The following PRX variants were observed in gnomAD, a reference collection of about 807,000 sequenced individuals.
PRX encodes the protein periaxin.
Under a neutral mutation model 29.6 loss-of-function variants are expected in PRX, and 24 were observed. The observed-to-expected ratio is 0.81, with a 90% CI of 0.59 to 1.14. PRX has a LOEUF of 1.14. PRX is among the 50% of genes most tolerant of loss of function. The probability of loss-of-function intolerance (pLI) is 0.00; values close to 1 mark genes in which losing one functional copy is unlikely to be tolerated. For synonymous variants in PRX, 772 were observed against 831.7 expected (o/e 0.93, Z 1.24); for missense variants, 1,838 against 1,926.4 (o/e 0.95, Z 0.86).
At position 40,398,156 on chromosome 19, in the gene PRX, T is replaced by C; in HGVS notation, c.382-186A>G. 7.0e-7 allele frequency: 1 copy of C among 1,432,644 alleles called. No individual in the cohort carries two copies. The highest frequency in any genetic ancestry group is 9.1e-7 in the Non-Finnish European group (1 of 1,098,208). 88.7% of individuals were successfully genotyped at this position (1,432,644 alleles called of 1,614,324 possible). ...GTGCCCAGGAAAGCAGGCAGCCATC[T>C]AGGATCTCCAAATGAGTCAACAGGA... On this transcript the variant is annotated intron_variant, in intron 6 of 6. Transcript: ENST00000324001. The surrounding 1 kb of genome is among the most constrained non-coding windows in gnomAD (Gnocchi z 6.3).
chr19:40,402,774 C>CAAAA (rs568158954), intron 5 of PRX, among the ~76,000 whole-genome samples: 2 of 110,574 alleles, frequency 1.8e-5, no homozygotes, highest in Non-Finnish European at 1.8e-5. Flanking sequence ...GACTCCGTCT[C>CAAAA]AAAAAAAAAA....
chr19:40,406,068 G>A (rs973951338), intron 4 of PRX, among the ~76,000 whole-genome samples: 4 of 151,526 alleles, frequency 2.6e-5, no homozygotes, highest in African/African-American at 7.3e-5. Context: ...CCAACATGGC[G>A]AAACTCCATC....
chr19:40,409,578 T>C (rs2079549654), intron 1 of PRX, among the ~76,000 whole-genome samples: 1 of 151,998 alleles, frequency 6.6e-6, no homozygotes, highest in Admixed American at 6.6e-5. Context: ...GTTCAAGTGA[T>C]TCTCCTGCCT....
At chr19:40,414,246 C>T (rs1378811192), upstream of PRX, among the ~76,000 whole-genome samples, 1 of 152,178 alleles carries the variant, frequency 6.6e-6, no homozygotes, top group Non-Finnish European at 1.5e-5. Flanking sequence ...ACTGAGCCCC[C>T]TCAAATAGCT....
At chr19:40,399,490 G>A (rs773942156) in intron 5 of PRX, among the ~76,000 whole-genome samples, 2 of 152,194 alleles carry the variant, frequency 1.3e-5, no homozygotes, top group African/African-American at 4.8e-5. Context: ...TTTCCAACAC[G>A]CACATCTGAA....
chr19:40,398,920 A>T lies in PRX; in HGVS notation c.185-104T>A. ...GCCCTCGCGGTGAGGACCCGCCCCAAATTTTAGTTTCTCCAATCCCCAGCG... is the reference window on the plus strand; with the variant it reads ...GCCCTCGCGGTGAGGACCCGCCCCATATTTTAGTTTCTCCAATCCCCAGCG... On this transcript the variant is annotated intron_variant, in intron 5 of 6. Coordinates refer to ENST00000324001, the MANE Select transcript of PRX (RefSeq NM_181882.3). This position sits in a 1 kb window ranked among gnomAD's most constrained non-coding sequence, Gnocchi z 6.3. The T allele has an allele frequency of 6.4e-7, 1 of 1,567,902 alleles. No homozygotes were observed. The highest frequency in any genetic ancestry group is 8.6e-7 in the Non-Finnish European group (1 of 1,156,952).
intron 5 of PRX, among the ~76,000 whole-genome samples, chr19:40,399,071 T>C (rs2079470064): frequency 6.6e-6 from 1 of 152,094 alleles, no homozygotes. Context: ...TCCTTACGTT[T>C]CAGATACTGA....
Position 40,398,494 on chromosome 19 carries a change from A to C in PRX, c.381+126T>G. 1 of 1,554,448 alleles carries C rather than the reference A, an allele frequency of 6.4e-7. No homozygotes were observed. Among genetic ancestry groups the C allele is most frequent in the Middle Eastern group, 1.9e-4 (1 of 5,268 alleles). Reference sequence around the variant, plus strand: ...GCAGAGAGGAAGGGGCAGAGGGTGGAATTAGCTTGGGTTAGTGACAAGACA... The same window carrying C: ...GCAGAGAGGAAGGGGCAGAGGGTGGCATTAGCTTGGGTTAGTGACAAGACA... On this transcript the variant is annotated intron_variant, in intron 6 of 6. Coordinates refer to ENST00000324001, the MANE Select transcript of PRX (RefSeq NM_181882.3). This position sits in a 1 kb window ranked among gnomAD's most constrained non-coding sequence, Gnocchi z 6.3.
chr19:40,397,672 G>A lies in PRX; in HGVS notation c.680C>T (p.Ala227Val), dbSNP rs532808153. The change falls in exon 7 of 7, where the codon GCT becomes GTT. Residue 227 changes from alanine (A) to valine (V), a missense_variant. Coordinates refer to ENST00000324001, the MANE Select transcript of PRX (RefSeq NM_181882.3). Reference protein sequence around the residue: ...AKVEAEVAAGARFTAPQVELV... With the variant: ...AKVEAEVAAGVRFTAPQVELV... ...CTCCACCTGAGGGGCTGTGAAACGAGCTCCTGCAGCCACCTCAGCCTCCAC... is the reference window on the plus strand; with the variant it reads ...CTCCACCTGAGGGGCTGTGAAACGAACTCCTGCAGCCACCTCAGCCTCCAC... 3 of 1,554,978 alleles carry A rather than the reference G, an allele frequency of 1.9e-6. No individual in the cohort carries two copies. Among genetic ancestry groups the A allele is most frequent in the South Asian group, 2.3e-5 (2 of 85,322 alleles).
Position 40,397,305 on chromosome 19 carries a change from C to T in PRX, c.1047G>A (p.Glu349=), listed in dbSNP as rs2079449328. ...GCATCTTCAGGGCCACCTCAGGTGC[C>T]TCTCCCCGGGCCTCCACCTCTGCAC... ...LPGAEVEARG[E]APEVALKMPR... The change falls in exon 7 of 7, where the codon GAG becomes GAA. Residue 349 remains glutamate, a synonymous_variant. Coordinates refer to ENST00000324001, the MANE Select transcript of PRX (RefSeq NM_181882.3). The T allele has an allele frequency of 1.9e-6, 3 of 1,613,218 alleles. No homozygotes were observed. The highest frequency in any genetic ancestry group is 2.5e-6 in the Non-Finnish European group (3 of 1,180,000).
In PRX at chr19:40,393,899, T is replaced by C; in HGVS notation, c.*67A>G. The C allele has an allele frequency of 2.5e-6, 4 of 1,598,454 alleles. No individual in the cohort carries two copies. The highest frequency in any genetic ancestry group is 2.2e-5 in the East Asian group (1 of 44,862). On this transcript the variant is annotated 3_prime_UTR_variant, in exon 7 of 7. Coordinates refer to ENST00000324001, the MANE Select transcript of PRX (RefSeq NM_181882.3). ...GCCCTCTTAGGGTTAGTGCTAGTTA[T>C]CACACACACAACAGCGAGGGGGTAG... is the stretch of plus-strand genomic sequence containing the variant.
intron 5 of PRX, among the ~76,000 whole-genome samples, chr19:40,403,491 C>A (rs1272046716): frequency 6.6e-6 from 1 of 152,158 alleles, no homozygotes; most frequent in African/African-American, 2.4e-5. Flanking sequence ...AGATCACAAG[C>A]TAGTAAACGG....
chr19:40,399,366 G>A (rs1353481185), intron 5 of PRX, among the ~76,000 whole-genome samples: 6 of 152,126 alleles, frequency 3.9e-5, no homozygotes, highest in Non-Finnish European at 8.8e-5. Flanking sequence ...AGGTTGTCAT[G>A]GCCTCACTCC....
At position 40,393,884 on chromosome 19, in the gene PRX, G is replaced by T. The variant is rs1427003843; in HGVS notation, c.*82C>A. ...GTCACCCACCTCCCGGCCCTCTTAG[G>T]GTTAGTGCTAGTTATCACACACACA... On this transcript the variant is annotated 3_prime_UTR_variant, in exon 7 of 7. Transcript: ENST00000324001. 1.9e-6 allele frequency: 3 copies of T among 1,594,878 alleles called. No individual in the cohort carries two copies. Among genetic ancestry groups the T allele is most frequent in the Non-Finnish European group, 2.5e-6 (3 of 1,176,760 alleles).
At position 40,412,718 on chromosome 19, in the gene PRX, G is replaced by T. The variant is rs551681904; in HGVS notation, c.-243+620C>A. Among the ~76,000 whole-genome samples the T allele has an allele frequency of 2.0e-5, 3 of 152,078 alleles. No homozygotes were observed. In the South Asian group the frequency reaches 6.2e-4, roughly 32 times the overall value. ...GCCTCCTGCCCCAGCTCTGGTGTTT[G>T]TTAGTTTGTTTTTTGGAGACAGGGT... On this transcript the variant is annotated intron_variant, in intron 1 of 6. Coordinates refer to ENST00000324001, the MANE Select transcript of PRX (RefSeq NM_181882.3).
intron 4 of PRX, 172 bp downstream of exon 4, chr19:40,407,734 T>C (rs954712956): frequency 2.3e-6 from 2 of 864,124 alleles, no homozygotes; most frequent in Admixed American, 2.0e-5. Context: ...GGACATTACA[T>C]ATGTTAATTT....
intron 1 of PRX, among the ~76,000 whole-genome samples, chr19:40,409,459 A>ATTATTATTG (rs1190771926): frequency 2.8e-5 from 4 of 144,366 alleles, no homozygotes; most frequent in Non-Finnish European, 1.5e-5. Flanking sequence ...TGCTATTATT[A>ATTATTATTG]TTATTATTAT....
At chr19:40,400,493 G>A (rs1465628621) in intron 5 of PRX, among the ~76,000 whole-genome samples, 4 of 148,708 alleles carry the variant, frequency 2.7e-5, no homozygotes, top group East Asian at 2.0e-4. Context: ...TAGGGAGGCC[G>A]AGGCAGGAGA....
intron 1 of PRX, among the ~76,000 whole-genome samples, chr19:40,409,451 CTAT>C (rs141778541): frequency 0.032 from 4,513 of 142,330 alleles, 109 homozygotes; most frequent in Non-Finnish European, 0.047. Context: ...TAAATACTTG[CTAT>C]TATTATTATT....
Sources: allele counts gnomAD v4.1 joint callset (sites outside exome capture counted in the v4.1 genomes callset), GRCh38; gene constraint gnomAD v4.1.1; non-coding constraint Gnocchi (gnomAD v3.1); transcripts MANE v1.5; gene names NCBI Gene and HGNC (gene_info 2026-07-23, HGNC 2026-07-21).